Variants in POLR2M observed in about 807,000 individuals in gnomAD.
POLR2M encodes RNA polymerase II subunit M, also known as protein GRINL1A.
In POLR2M, 30 loss-of-function variants were observed where a neutral mutation model predicts 34.6. The observed-to-expected ratio is 0.87, with a 90% confidence interval of 0.65 to 1.18. The LOEUF (loss-of-function observed/expected upper bound fraction) is 1.18, where lower values mean the gene tolerates loss of function less well. Ranked by LOEUF, POLR2M falls within the 50% of genes most tolerant of loss-of-function variation. The pLI, the probability that POLR2M is intolerant of heterozygous loss-of-function variation, is 0.00. For missense variants in POLR2M, 432 were observed against 448.7 expected, an observed-to-expected ratio of 0.96 and a Z score of 0.34; for synonymous variants, 150 against 166.7, an observed-to-expected ratio of 0.90 and a Z score of 0.77.
chr15:57,706,775 G>C lies in POLR2M; in HGVS notation c.-68G>C, dbSNP rs1168101613. Reference sequence around the variant, plus strand: ...CGGAGTCACCGCCGTCCGCGGATCCGGCGCTAGTAGCGGGGCCTGCCGAGG... The same window carrying C: ...CGGAGTCACCGCCGTCCGCGGATCCCGCGCTAGTAGCGGGGCCTGCCGAGG... On this transcript the variant is annotated 5_prime_UTR_variant, in exon 1 of 4. Transcript: ENST00000299638. 1.4e-5 allele frequency: 21 copies of C among 1,513,846 alleles called. No individual in the cohort carries two copies. The highest frequency in any genetic ancestry group is 1.9e-5 in the Non-Finnish European group (21 of 1,121,646). 93.8% of individuals were successfully genotyped at this position (1,513,846 alleles called of 1,614,324 possible).
At chr15:57,713,805 A>C in intron 3 of POLR2M, among the ~76,000 whole-genome samples, 1 of 138,172 alleles carries the variant, frequency 7.2e-6, no homozygotes. Context: ...AGAAATCTAG[A>C]CAGCATTAGT....
rs1245900835 is a variant in POLR2M, at chr15:57,714,223, T to C, written c.964-313T>C. 7.2e-5 allele frequency among the ~76,000 whole-genome samples: 11 copies of C among 152,290 alleles called. No individual in the cohort carries two copies. In the East Asian group the frequency reaches 2.1e-3, roughly 29 times the overall value. ...GTATACATGTGCATGTGCCCCCATA[T>C]TTAACGCATCTGTATTTATAAGTAT... On this transcript the variant is annotated intron_variant, in intron 3 of 3. Transcript: ENST00000299638.
intron 1 of POLR2M, chr15:57,707,616 A>G: frequency 2.3e-6 from 1 of 440,928 alleles, no homozygotes; most frequent in Middle Eastern, 3.3e-4. Flanking sequence ...AGCATGGACT[A>G]ATTTAAATGC....
rs1420708847 is a variant in POLR2M at position 57,708,951 on chromosome 15, T to C, written c.351T>C (p.Ser117=). 1.2e-6 allele frequency: 2 copies of C among 1,614,086 alleles called. No individual in the cohort carries two copies. Among genetic ancestry groups the C allele is most frequent in the African/African-American group, 1.3e-5 (1 of 75,058 alleles). Residue 117 remains serine (S), a synonymous_variant, in exon 2 of 4, where the codon TCT becomes TCC. Transcript: ENST00000299638. ...DTSSLVPGCS[S]VDNIKSSQTS... is the part of the protein sequence containing the mutation. ...CATCACTAGTTCCTGGATGTTCCTC[T>C]GTAGATAACATCAAGTCATCTCAAA...
rs756448188 is a variant in POLR2M, at chr15:57,708,966, G to A, written c.366G>A (p.Lys122=). ...GATGTTCCTCTGTAGATAACATCAA[G>A]TCATCTCAAACCTCACAAAACCAGG... ...VPGCSSVDNI[K]SSQTSQNQGL... Residue 122 remains lysine (K), a synonymous_variant, in exon 2 of 4, where the codon AAG becomes AAA. Transcript: ENST00000299638. The A allele has an allele frequency of 1.5e-5, 24 of 1,613,946 alleles. No individual in the cohort carries two copies. The South Asian group carries it at 2.5e-4, about 17-fold the overall frequency.
chr15:57,712,317 C>A, intron 3 of POLR2M, 129 bp downstream of exon 3: 1 of 1,101,906 alleles, frequency 9.1e-7, no homozygotes, highest in Non-Finnish European at 1.3e-6. Context: ...CAGATCTATG[C>A]CACTAGTTTT....
Position 57,714,678 on chromosome 15 carries a change from G to A in POLR2M, c.1106G>A (p.Ter369=). ...EDDDWSSDEF[*] is the part of the protein sequence containing the mutation. ...GACGATTGGTCCTCTGATGAATTCT[G>A]AAGATAATCTCCTAAATCACTGACG... Residue 369 remains the stop codon, a stop_retained_variant, in exon 4 of 4, where the codon TGA becomes TAA. Coordinates refer to ENST00000299638, the MANE Select transcript of POLR2M (RefSeq NM_015532.5). 1 of 1,610,384 alleles carries A rather than the reference G, an allele frequency of 6.2e-7. No homozygotes were observed. The highest frequency in any genetic ancestry group is 1.1e-5 in the South Asian group (1 of 90,842).
chr15:57,713,976 A>G (rs542184363), intron 3 of POLR2M, among the ~76,000 whole-genome samples: 2 of 151,162 alleles, frequency 1.3e-5, no homozygotes, highest in Non-Finnish European at 3.0e-5. Context: ...ACCCGGGAAC[A>G]CGCCGGGTTC....
In POLR2M at chr15:57,706,866, C is replaced by T; in HGVS notation, c.24C>T (p.Phe8=). Residue 8 remains phenylalanine (F), a synonymous_variant, in exon 1 of 4, where the codon TTC becomes TTT. Transcript: ENST00000299638. MCSLPRG[F]EPQAPEDLAQ... ...GAATGTGCTCGCTGCCCCGCGGCTT[C>T]GAGCCCCAAGCTCCCGAGGACTTGG... 1.3e-6 allele frequency: 2 copies of T among 1,582,314 alleles called. No individual in the cohort carries two copies. The highest frequency in any genetic ancestry group is 1.2e-5 in the South Asian group (1 of 86,388).
chr15:57,707,595 G>A, intron 1 of POLR2M: 1 of 453,172 alleles, frequency 2.2e-6, no homozygotes, highest in Non-Finnish European at 4.5e-6. Flanking sequence ...AAGGGATTGG[G>A]AGAACTTTTA....
chr15:57,712,144 G>T lies in POLR2M; in HGVS notation c.919G>T (p.Glu307Ter). 6.2e-7 allele frequency: 1 copy of T among 1,614,158 alleles called. No homozygotes were observed. Among genetic ancestry groups the T allele is most frequent in the Non-Finnish European group, 8.5e-7 (1 of 1,180,022 alleles). The part of the protein sequence containing the change: ...HHMPTQLLSI[E>*]ESLALQKQQK... ...TATGCCCACGCAGCTGCTCTCCATA[G>T]AAGAATCCTTGGCACTTCAGAAACA... is the stretch of plus-strand genomic sequence containing the variant. Residue 307 changes from glutamate to a stop codon, truncating the protein, a stop_gained, in exon 3 of 4, where the codon GAA becomes TAA. Coordinates refer to ENST00000299638, the MANE Select transcript of POLR2M (RefSeq NM_015532.5). LOFTEE classifies it high-confidence loss of function.
chr15:57,713,822 T>TC (rs1268077575), intron 3 of POLR2M, among the ~76,000 whole-genome samples: 53 of 5,070 alleles, frequency 0.01, 1 homozygote, highest in African/African-American at 0.023. Context: ...TAGTCCTTCT[T>TC]TTTTTTTTTT....
chr15:57,707,403 C>A, intron 1 of POLR2M: 1 of 668,356 alleles, frequency 1.5e-6, no homozygotes, highest in South Asian at 1.5e-5. Flanking sequence ...GACCCTCATT[C>A]AGCTGGCTGG....
At chr15:57,710,053 T>C (rs1222222953) in intron 2 of POLR2M, among the ~76,000 whole-genome samples, 2 of 152,234 alleles carry the variant, frequency 1.3e-5, no homozygotes, top group African/African-American at 4.8e-5. Context: ...AATGTATACA[T>C]GTGTAATGTA....
At position 57,709,325 on chromosome 15, in the gene POLR2M, C is replaced by T. The variant is rs1438222166; in HGVS notation, c.725C>T (p.Pro242Leu). The change falls in exon 2 of 4, where the codon CCA (proline) becomes CTA (leucine). Residue 242 changes from proline to leucine, a missense_variant. Pro to Leu is a moderately conservative substitution (Grantham distance 98). Transcript: ENST00000299638. Reference protein sequence around the residue: ...MEVLEMRAKNPVPQLRKFKTN... With the variant: ...MEVLEMRAKNLVPQLRKFKTN... The stretch of plus-strand genomic sequence containing the variant: ...GTGCTAGAAATGCGAGCCAAAAACC[C>T]AGTGCCCCAGCTGCGTAAATTTAAA... 1.2e-6 allele frequency: 2 copies of T among 1,613,810 alleles called. No homozygotes were observed. Among genetic ancestry groups the T allele is most frequent in the Non-Finnish European group, 8.5e-7 (1 of 1,179,930 alleles).
chr15:57,707,071 C>T (rs1319155251), intron 1 of POLR2M, 116 bp downstream of exon 1: 3 of 1,551,562 alleles, frequency 1.9e-6, no homozygotes, highest in Non-Finnish European at 2.6e-6. Flanking sequence ...GACTCAGTCA[C>T]ATTCGCTTCA....
In POLR2M at chr15:57,708,728, A is replaced by C; in HGVS notation, c.128A>C (p.Lys43Thr). ...RLLRNEKFIC[K>T]LPDKGKKIFD... ...CCATTTGACAGAAAATTCATTTGCAAATTGCCCGACAAAGGTAAAAAGATC... is the reference window on the plus strand; with the variant it reads ...CCATTTGACAGAAAATTCATTTGCACATTGCCCGACAAAGGTAAAAAGATC... The change falls in exon 2 of 4, where the codon AAA (lysine) becomes ACA (threonine). Residue 43 changes from lysine (K) to threonine (T), a missense_variant. Coordinates refer to ENST00000299638, the MANE Select transcript of POLR2M (RefSeq NM_015532.5). 6.3e-7 allele frequency: 1 copy of C among 1,581,040 alleles called. No homozygotes were observed. Among genetic ancestry groups the C allele is most frequent in the Non-Finnish European group, 8.6e-7 (1 of 1,167,480 alleles).
rs1310384318 is a variant in POLR2M at position 57,715,230 on chromosome 15, TG to T, written c.*552del. The stretch of plus-strand genomic sequence containing the variant: ...TTAACAAATGCTCTTCTCCTTTTTC[TG>T]TCTTCCCTTAGGAAGAACGTTATCT... On this transcript the variant is annotated 3_prime_UTR_variant, in exon 4 of 4. Transcript: ENST00000299638. 3 of 152,894 alleles carry T rather than the reference TG, an allele frequency of 2.0e-5. No individual in the cohort carries two copies. The highest frequency in any genetic ancestry group is 7.2e-5 in the African/African-American group (3 of 41,474). 9.5% of individuals were successfully genotyped at this position (152,894 alleles called of 1,614,324 possible). A position where few individuals can be genotyped will look rare whatever the true frequency, so the allele number is the denominator to read the frequency against.
At position 57,713,208 on chromosome 15, in the gene POLR2M, A is replaced by AAAG. The variant is rs10689720; in HGVS notation, c.963+1020_963+1021insAAG. Reference sequence around the variant, plus strand: ...GTGAGACCCTGTCTCAAAAAAAAAAACAACAAAACAGGCTGTTAATCTGCT... The same window carrying AAAG: ...GTGAGACCCTGTCTCAAAAAAAAAAAAAGCAACAAAACAGGCTGTTAATCTGCT... On this transcript the variant is annotated intron_variant, in intron 3 of 3. Transcript: ENST00000299638. Among the ~76,000 whole-genome samples, 505 of 150,186 alleles carry AAAG rather than the reference A, an allele frequency of 3.4e-3. 5 individuals are homozygous for AAAG. The highest frequency in any genetic ancestry group is 5.8e-3 in the Non-Finnish European group (393 of 67,600).
Sources: allele counts gnomAD v4.1 joint callset (sites outside exome capture counted in the v4.1 genomes callset), GRCh38; gene constraint gnomAD v4.1.1; transcripts MANE v1.5; gene names NCBI Gene and HGNC (gene_info 2026-07-23, HGNC 2026-07-21).